Variants in ABCB11 observed in about 807,000 individuals in gnomAD.
ABCB11 encodes bile salt export pump.
ABCB11 carries 95 observed loss-of-function variants against 148.0 expected under a neutral mutation model. The ratio of observed to expected loss-of-function variants is 0.64; its 90% confidence interval spans 0.54 to 0.76. ABCB11 has a LOEUF of 0.76. Ranked by LOEUF, ABCB11 falls within the 30% of genes least tolerant of loss-of-function variation. The pLI, the probability that ABCB11 is intolerant of heterozygous loss-of-function variation, is 0.00. For missense variants in ABCB11, 1,523 were observed against 1,617.8 expected (o/e 0.94, Z 1.01); for synonymous variants, 591 against 555.4 (o/e 1.06, Z -0.90).
chr2:168,942,426 G>A (rs922865638), intron 21 of ABCB11, among the ~76,000 whole-genome samples: 3 of 151,368 alleles, frequency 2.0e-5, no homozygotes, highest in African/African-American at 4.8e-5. Flanking sequence ...AGAGAATTTC[G>A]AAGAGGAAAA....
chr2:168,980,058 G>A, intron 10 of ABCB11, 79 bp from the exon 11 acceptor site: 3 of 789,236 alleles, frequency 3.8e-6, no homozygotes, highest in Non-Finnish European at 6.3e-6. Context: ...GGTCTTCCAT[G>A]TTAACGCAGA....
intron 1 of ABCB11, among the ~76,000 whole-genome samples, chr2:169,019,520 A>T (rs1023981212): frequency 7.9e-5 from 12 of 152,196 alleles, no homozygotes; most frequent in Non-Finnish European, 1.3e-4. Context: ...CAAGTCCTAC[A>T]GTTGGCTTGC....
Position 168,922,952 on chromosome 2 carries a change from C to G in ABCB11, c.*670G>C, listed in dbSNP as rs1469256614. On this transcript the variant is annotated 3_prime_UTR_variant, in exon 28 of 28. Coordinates refer to ENST00000650372, the MANE Select transcript of ABCB11 (RefSeq NM_003742.4). ...CACAGTAATGGTAGCATCACCACCC[C>G]TACACTCACTCTGAAGTTAAAGCAT... 2 of 153,282 alleles carry G rather than the reference C, an allele frequency of 1.3e-5. No homozygotes were observed. The highest frequency in any genetic ancestry group is 3.8e-4 in the East Asian group (2 of 5,212). 9.5% of individuals were successfully genotyped at this position (153,282 alleles called of 1,614,324 possible).
At chr2:168,976,552 T>C (rs772354920) in intron 12 of ABCB11, 25 bp downstream of exon 12, 12 of 1,321,194 alleles carry the variant, frequency 9.1e-6, no homozygotes, top group South Asian at 1.4e-5. Context: ...ACATTTACTA[T>C]TCTGGGGAAC....
At chr2:169,005,680 C>T (rs1694998570) in intron 5 of ABCB11, among the ~76,000 whole-genome samples, 3 of 151,996 alleles carry the variant, frequency 2.0e-5, no homozygotes, top group African/African-American at 7.3e-5. Context: ...CCCAGGAAGC[C>T]TGAAGCCAAG....
At position 168,924,783 on chromosome 2, in the gene ABCB11, C is replaced by T; in HGVS notation, c.3639G>A (p.Gly1213=). ...SLPEKYETNV[G]SQGSQLSRGE... ...CTCTAGAGAGTTGAGACCCCTGGGACCCAACGTTAGTTTCATATTTCTGAA... is the reference window on the plus strand; with the variant it reads ...CTCTAGAGAGTTGAGACCCCTGGGATCCAACGTTAGTTTCATATTTCTGAA... The change falls in exon 27 of 28, where the codon GGG becomes GGA. Residue 1213 remains glycine, a synonymous_variant. Transcript: ENST00000650372. The T allele has an allele frequency of 6.2e-7, 1 of 1,610,308 alleles. No individual in the cohort carries two copies. Among genetic ancestry groups the T allele is most frequent in the Non-Finnish European group, 8.5e-7 (1 of 1,178,552 alleles).
downstream of ABCB11, among the ~76,000 whole-genome samples, chr2:168,917,372 C>T (rs972800947): frequency 3.9e-5 from 6 of 151,938 alleles, no homozygotes; most frequent in African/African-American, 1.2e-4. Context: ...GAATTGTTCA[C>T]AGAAAAAAAT....
intron 22 of ABCB11, among the ~76,000 whole-genome samples, chr2:168,935,648 G>T (rs915628729): frequency 6.6e-6 from 1 of 152,254 alleles, no homozygotes; most frequent in South Asian, 2.1e-4. Context: ...TACTTGAGAA[G>T]TGTTTATGCT....
intron 22 of ABCB11, 134 bp downstream of exon 22, chr2:168,936,096 G>A (rs1290638949): frequency 1.6e-5 from 13 of 802,840 alleles, no homozygotes; most frequent in Non-Finnish European, 2.5e-5. Context: ...TAGAAAGGGT[G>A]GTGGAAGGTT....
At chr2:168,968,586 C>A in intron 16 of ABCB11, 96 bp from the exon 17 acceptor site, 2 of 1,030,166 alleles carry the variant, frequency 1.9e-6, no homozygotes, top group Admixed American at 2.6e-5. Flanking sequence ...AATATAATTA[C>A]TATGTCAAAT....
At chr2:168,977,058 A>G (rs888361557) in intron 11 of ABCB11, among the ~76,000 whole-genome samples, 7 of 148,256 alleles carry the variant, frequency 4.7e-5, no homozygotes, top group African/African-American at 1.7e-4. Flanking sequence ...ATTATTTATC[A>G]TGTTGTTACT....
intron 23 of ABCB11, among the ~76,000 whole-genome samples, chr2:168,933,386 C>T (rs1400559882): frequency 6.6e-6 from 1 of 152,296 alleles, no homozygotes; most frequent in East Asian, 1.9e-4. Context: ...CTATAGTCAA[C>T]ATGTACTTAA....
downstream of ABCB11, among the ~76,000 whole-genome samples, chr2:168,919,312 A>T (rs1047887766): frequency 6.6e-6 from 1 of 152,114 alleles, no homozygotes; most frequent in Non-Finnish European, 1.5e-5. Context: ...ATAGCTAAAA[A>T]TCTCCAATCT....
At chr2:168,957,526 G>A (rs1489650385) in intron 19 of ABCB11, among the ~76,000 whole-genome samples, 2 of 151,576 alleles carry the variant, frequency 1.3e-5, no homozygotes, top group Non-Finnish European at 3.0e-5. Flanking sequence ...TTTCAATAGT[G>A]CAATCCGTGG....
intron 21 of ABCB11, 79 bp from the exon 22 acceptor site, chr2:168,936,512 C>T: frequency 7.4e-7 from 1 of 1,354,360 alleles, no homozygotes; most frequent in Non-Finnish European, 1.0e-6. Context: ...AAGGTCAGAC[C>T]TTTTATAAAG....
At chr2:168,975,476 T>G (rs1293678786) in intron 12 of ABCB11, among the ~76,000 whole-genome samples, 4 of 11,070 alleles carry the variant, frequency 3.6e-4, no homozygotes, top group East Asian at 9.1e-3. Context: ...TAGATAAATA[T>G]ATAAATATAT....
Position 169,018,050 on chromosome 2 carries a change from A to T in ABCB11, c.76T>A (p.Tyr26Asn), listed in dbSNP as rs372790699. Residue 26 changes from tyrosine to asparagine, a missense_variant and splice_region_variant, in exon 2 of 28, where the codon TAT (tyrosine) becomes AAT (asparagine). Tyr to Asn is a moderately radical substitution (Grantham distance 143). Transcript: ENST00000650372. ...ENDGFESDKSYNNDKKSRLQD... is the reference protein window; with the variant it reads ...ENDGFESDKSNNNDKKSRLQD... ...GCAGTGAGGGAAAAAAGCCACTCAC[A>T]TGATTTATCTGACTCAAAACCATCA... 8.0e-5 allele frequency: 129 copies of T among 1,612,430 alleles called. 1 individual carries two copies. Among genetic ancestry groups the T allele is most frequent in the Non-Finnish European group, 1.1e-4 (125 of 1,178,718 alleles).
At chr2:169,029,273 C>CT (rs4148769) in intron 1 of ABCB11, among the ~76,000 whole-genome samples, 121 of 147,166 alleles carry the variant, frequency 8.2e-4, no homozygotes, top group South Asian at 1.9e-3. Context: ...TCTTTTCTTT[C>CT]TTTTTTTTTT....
rs1692882427 is a variant in ABCB11, at chr2:168,958,131, T to C, written c.2179-3A>G. The C allele has an allele frequency of 6.2e-7, 1 of 1,610,554 alleles. No homozygotes were observed. The highest frequency in any genetic ancestry group is 8.5e-7 in the Non-Finnish European group (1 of 1,177,814). Reference sequence around the variant, plus strand: ...TCCTGCACAGGAATGTCCTTGTCCTTGAGCAGAGAGAGGGTTATATTAATC... The same window carrying C: ...TCCTGCACAGGAATGTCCTTGTCCTCGAGCAGAGAGAGGGTTATATTAATC... On this transcript the variant is annotated splice_region_variant and splice_polypyrimidine_tract_variant and intron_variant, in intron 18 of 27. Coordinates refer to ENST00000650372, the MANE Select transcript of ABCB11 (RefSeq NM_003742.4).
Sources: allele counts gnomAD v4.1 joint callset (sites outside exome capture counted in the v4.1 genomes callset), GRCh38; gene constraint gnomAD v4.1.1; transcripts MANE v1.5; gene names NCBI Gene and HGNC (gene_info 2026-07-23, HGNC 2026-07-21).